Variants in BTG2 observed in about 807,000 individuals in gnomAD.
BTG2 encodes protein BTG2.
In BTG2, 9 loss-of-function variants were observed where a neutral mutation model predicts 13.1. That is an observed-to-expected ratio of 0.69 (90% confidence interval 0.41 to 1.20). The LOEUF is 1.20. Ranked by LOEUF, BTG2 falls within the 50% of genes most tolerant of loss-of-function variation. BTG2 has a pLI of 0.00. For missense variants in BTG2, 200 were observed against 209.5 expected (o/e 0.95, Z 0.28); for synonymous variants, 92 against 88.6 (o/e 1.04, Z -0.21).
At position 203,307,485 on chromosome 1, in the gene BTG2, A is replaced by G; in HGVS notation, c.*47A>G. ...GCGCCGCCGTGCTCATGCTGCCGTGACAACAGGCCACCACATACCTCAACC... is the reference window on the plus strand; with the variant it reads ...GCGCCGCCGTGCTCATGCTGCCGTGGCAACAGGCCACCACATACCTCAACC... On this transcript the variant is annotated 3_prime_UTR_variant, in exon 2 of 2. Coordinates refer to ENST00000290551, the MANE Select transcript of BTG2 (RefSeq NM_006763.3). 6.8e-7 allele frequency: 1 copy of G among 1,463,500 alleles called. No homozygotes were observed. Among genetic ancestry groups the G allele is most frequent in the Non-Finnish European group, 9.3e-7 (1 of 1,080,680 alleles). 90.7% of individuals were successfully genotyped at this position (1,463,500 alleles called of 1,614,324 possible). A position where few individuals can be genotyped will look rare whatever the true frequency, so the allele number is the denominator to read the frequency against.
Position 203,305,640 on chromosome 1 carries a change from G to A in BTG2, c.34G>A (p.Glu12Lys). Residue 12 changes from glutamate to lysine, a missense_variant, in exon 1 of 2, where the codon GAG becomes AAG. By Grantham distance (56) the Glu-to-Lys change is moderately conservative. Transcript: ENST00000290551. ...SHGKGTDMLP[E>K]IAAAVGFLSS... ...CGGGAAGGGAACCGACATGCTCCCG[G>A]AGATCGCCGCCGCCGTGGGCTTCCT... is the stretch of plus-strand genomic sequence containing the variant. 6.3e-7 allele frequency: 1 copy of A among 1,591,200 alleles called. No individual in the cohort carries two copies. The highest frequency in any genetic ancestry group is 8.6e-7 in the Non-Finnish European group (1 of 1,169,506).
In BTG2 at chr1:203,305,715, G is replaced by T. The variant is rs754149177; in HGVS notation, c.109G>T (p.Val37Phe). Residue 37 changes from valine to phenylalanine, a missense_variant, in exon 1 of 2, where the codon GTC becomes TTC. Coordinates refer to ENST00000290551, the MANE Select transcript of BTG2 (RefSeq NM_006763.3). Reference protein sequence around the residue: ...RGCVSEQRLKVFSGALQEALT... With the variant: ...RGCVSEQRLKFFSGALQEALT... Reference sequence around the variant, plus strand: ...CTGCGTGAGCGAGCAGAGGCTTAAGGTCTTCAGCGGGGCGCTCCAGGAGGC... The same window carrying T: ...CTGCGTGAGCGAGCAGAGGCTTAAGTTCTTCAGCGGGGCGCTCCAGGAGGC... 24 of 1,552,122 alleles carry T rather than the reference G, an allele frequency of 1.5e-5. No homozygotes were observed. The highest frequency in any genetic ancestry group is 2.0e-5 in the Non-Finnish European group (23 of 1,147,568).
At position 203,308,015 on chromosome 1, in the gene BTG2, C is replaced by G. The variant is rs1258373861; in HGVS notation, c.*577C>G. 3 of 152,662 alleles carry G rather than the reference C, an allele frequency of 2.0e-5. No individual in the cohort carries two copies. The highest frequency in any genetic ancestry group is 4.4e-5 in the Non-Finnish European group (3 of 68,070). The allele number at this position is 152,662 out of a possible 1,614,324, so 9.5% of individuals were successfully genotyped here. The stretch of plus-strand genomic sequence containing the variant: ...AAGGCCTCTCCTGATTCCTACTGTC[C>G]TAAGCTGCTTTTCTTGAAATCATGA... On this transcript the variant is annotated 3_prime_UTR_variant, in exon 2 of 2. Coordinates refer to ENST00000290551, the MANE Select transcript of BTG2 (RefSeq NM_006763.3).
In BTG2 at chr1:203,307,452, C is replaced by T. The variant is rs201462115; in HGVS notation, c.*14C>T. On this transcript the variant is annotated 3_prime_UTR_variant, in exon 2 of 2. Transcript: ENST00000290551. ...GTCTCCAGCTAGGCCCTTCCGCCCC[C>T]GCCCTGGGCGCCGCCGTGCTCATGC... The T allele has an allele frequency of 3.9e-6, 6 of 1,555,920 alleles. No homozygotes were observed. Among genetic ancestry groups the T allele is most frequent in the South Asian group, 1.2e-5 (1 of 83,198 alleles).
In BTG2 at chr1:203,307,094, GT is replaced by G. The variant is rs1321815669; in HGVS notation, c.143-9del. The G allele has an allele frequency of 6.2e-7, 1 of 1,612,004 alleles. No individual in the cohort carries two copies. The highest frequency in any genetic ancestry group is 8.5e-7 in the Non-Finnish European group (1 of 1,178,516). On this transcript the variant is annotated splice_polypyrimidine_tract_variant and intron_variant, in intron 1 of 1. Coordinates refer to ENST00000290551, the MANE Select transcript of BTG2 (RefSeq NM_006763.3). ...AACCAGGGCATCTGCCCCTGGTCCT[GT>G]CTCCACAGAGCACTACAAACACCAC... is the stretch of plus-strand genomic sequence containing the variant.
intron 1 of BTG2, 42 bp downstream of exon 1, chr1:203,305,790 C>CCCATCCCTGCCAGGGCCGT: frequency 6.5e-7 from 1 of 1,527,756 alleles, no homozygotes; most frequent in African/African-American, 1.4e-5. Context: ...GGGGGTCGGC[C>CCCATCCCTGCCAGGGCCGT]CCATCCCTGC....
Position 203,307,553 on chromosome 1 carries a change from AT to A in BTG2, c.*124del, listed in dbSNP as rs762792320. The A allele has an allele frequency of 1.3e-3, 987 of 782,508 alleles. No homozygotes were observed. Among genetic ancestry groups the A allele is most frequent in the African/African-American group, 7.3e-3 (401 of 55,038 alleles). The allele number at this position is 782,508 out of a possible 1,614,324, so 48.5% of individuals were successfully genotyped here. On this transcript the variant is annotated 3_prime_UTR_variant, in exon 2 of 2. Coordinates refer to ENST00000290551, the MANE Select transcript of BTG2 (RefSeq NM_006763.3). ...AAATGAAGAGCTATTTATATATATT[AT>A]TTTTTTTTAAGAAAGGAGGAAAAGA...
Position 203,305,703 on chromosome 1 carries a change from C to A in BTG2, c.97C>A (p.Gln33Lys). The change falls in exon 1 of 2, where the codon CAG becomes AAG. Residue 33 changes from glutamine (Q) to lysine (K), a missense_variant. By Grantham distance (53) the Gln-to-Lys change is moderately conservative (BLOSUM62 1). Transcript: ENST00000290551. Reference protein sequence around the residue: ...LLRTRGCVSEQRLKVFSGALQ... With the variant: ...LLRTRGCVSEKRLKVFSGALQ... ...GAGGACCCGGGGCTGCGTGAGCGAG[C>A]AGAGGCTTAAGGTCTTCAGCGGGGC... The A allele has an allele frequency of 6.4e-7, 1 of 1,555,250 alleles. No individual in the cohort carries two copies. The highest frequency in any genetic ancestry group is 2.4e-5 in the East Asian group (1 of 41,154).
intron 1 of BTG2, 88 bp downstream of exon 1, chr1:203,305,836 A>C (rs1658246354): frequency 1.4e-6 from 2 of 1,477,360 alleles, no homozygotes; most frequent in Non-Finnish European, 8.9e-7. Context: ...CGGCAGGGTG[A>C]CCCACGGGAG....
At position 203,307,497 on chromosome 1, in the gene BTG2, C is replaced by A; in HGVS notation, c.*59C>A. 2.2e-6 allele frequency: 3 copies of A among 1,351,544 alleles called. No homozygotes were observed. 83.7% of individuals were successfully genotyped at this position (1,351,544 alleles called of 1,614,324 possible). On this transcript the variant is annotated 3_prime_UTR_variant, in exon 2 of 2. Coordinates refer to ENST00000290551, the MANE Select transcript of BTG2 (RefSeq NM_006763.3). ...TCATGCTGCCGTGACAACAGGCCAC[C>A]ACATACCTCAACCTGGGGAACTGTA...
In BTG2 at chr1:203,307,553, ATT is replaced by A; in HGVS notation, c.*123_*124del. On this transcript the variant is annotated 3_prime_UTR_variant, in exon 2 of 2. Coordinates refer to ENST00000290551, the MANE Select transcript of BTG2 (RefSeq NM_006763.3). Reference sequence around the variant, plus strand: ...AAATGAAGAGCTATTTATATATATTATTTTTTTTTAAGAAAGGAGGAAAAGAA... The same window carrying A: ...AAATGAAGAGCTATTTATATATATTATTTTTTTAAGAAAGGAGGAAAAGAA... 1.3e-6 allele frequency: 1 copy of A among 784,828 alleles called. No homozygotes were observed. The highest frequency in any genetic ancestry group is 1.8e-5 in the African/African-American group (1 of 55,066). 48.6% of individuals were successfully genotyped at this position (784,828 alleles called of 1,614,324 possible).
Position 203,305,707 on chromosome 1 carries a change from G to A in BTG2, c.101G>A (p.Arg34Lys), listed in dbSNP as rs2102283669. The A allele has an allele frequency of 1.3e-6, 2 of 1,554,180 alleles. No individual in the cohort carries two copies. Among genetic ancestry groups the A allele is most frequent in the Non-Finnish European group, 8.7e-7 (1 of 1,148,578 alleles). The change falls in exon 1 of 2, where the codon AGG becomes AAG. Residue 34 changes from arginine to lysine, a missense_variant. Transcript: ENST00000290551. ...ACCCGGGGCTGCGTGAGCGAGCAGA[G>A]GCTTAAGGTCTTCAGCGGGGCGCTC... The part of the protein sequence containing the change: ...LRTRGCVSEQ[R>K]LKVFSGALQE...
chr1:203,306,288 C>G (rs544069044), intron 1 of BTG2, among the ~76,000 whole-genome samples: 3 of 152,126 alleles, frequency 2.0e-5, no homozygotes, highest in Non-Finnish European at 2.9e-5. Context: ...TCTTTGGTTC[C>G]CCTTAGCCAT....
In BTG2 at chr1:203,305,758, T is replaced by C. The variant is rs1421882244; in HGVS notation, c.142+10T>C. 6 of 1,542,842 alleles carry C rather than the reference T, an allele frequency of 3.9e-6. No individual in the cohort carries two copies. Among genetic ancestry groups the C allele is most frequent in the Non-Finnish European group, 2.6e-6 (3 of 1,144,246 alleles). ...CAGGAGGCACTCACAGGTGAGCGCA[T>C]GCCGAGGGGCCTGGCGCCACCGGGG... On this transcript the variant is annotated intron_variant, in intron 1 of 1. Coordinates refer to ENST00000290551, the MANE Select transcript of BTG2 (RefSeq NM_006763.3).
chr1:203,306,868 ACACACACT>A lies in BTG2; in HGVS notation c.143-234_143-227del, dbSNP rs779123244. On this transcript the variant is annotated intron_variant, in intron 1 of 1. Transcript: ENST00000290551. ...CTCAGTCACACACACACACACACAC[ACACACACT>A]CTCTCACATACACTTGTCCTGGAAG... Among the ~76,000 whole-genome samples the A allele has an allele frequency of 2.2e-4, 29 of 133,860 alleles. No homozygotes were observed. The East Asian group carries it at 5.5e-3, about 25-fold the overall frequency. The allele number at this position is 133,860 out of a possible 152,430, so 87.8% of individuals were successfully genotyped here. A position where few individuals can be genotyped will look rare whatever the true frequency, so the allele number is the denominator to read the frequency against.
chr1:203,307,740 G>A lies in BTG2; in HGVS notation c.*302G>A. 5.0e-6 allele frequency: 1 copy of A among 200,272 alleles called. No individual in the cohort carries two copies. Among genetic ancestry groups the A allele is most frequent in the Non-Finnish European group, 1.0e-5 (1 of 100,388 alleles). 12.4% of individuals were successfully genotyped at this position (200,272 alleles called of 1,614,324 possible). On this transcript the variant is annotated 3_prime_UTR_variant, in exon 2 of 2. Transcript: ENST00000290551. ...AGGGGGTAGACCTAGCCAAGGAGAA[G>A]TGGGAGACGTTTGGCTAGCACCCCA...
rs1215539422 is a variant in BTG2 at position 203,307,349 on chromosome 1, G to A, written c.388G>A (p.Ala130Thr). The stretch of plus-strand genomic sequence containing the variant: ...CTTGTACGAGGAGGCCCCACTGGCC[G>A]CCTCCTGTGGGCTCCTCACCTGCAA... The part of the protein sequence containing the change: ...CVLYEEAPLA[A>T]SCGLLTCKNQ... The change falls in exon 2 of 2, where the codon GCC becomes ACC. Residue 130 changes from alanine to threonine, a missense_variant. By Grantham distance (58) the Ala-to-Thr change is moderately conservative. Transcript: ENST00000290551. 5 of 1,613,720 alleles carry A rather than the reference G, an allele frequency of 3.1e-6. No individual in the cohort carries two copies. Among genetic ancestry groups the A allele is most frequent in the Middle Eastern group, 1.7e-4 (1 of 6,060 alleles).
chr1:203,305,874 C>T, intron 1 of BTG2, 126 bp downstream of exon 1: 1 of 1,335,468 alleles, frequency 7.5e-7, no homozygotes, highest in South Asian at 1.5e-5. Context: ...GGCCCTCCTC[C>T]GACCCCCGGG....
chr1:203,305,549 T>C lies in BTG2; in HGVS notation c.-58T>C. The C allele has an allele frequency of 6.4e-7, 1 of 1,553,262 alleles. No homozygotes were observed. The highest frequency in any genetic ancestry group is 1.7e-4 in the Middle Eastern group (1 of 5,880). ...CCGAGCAGCGGCCAGGGTAACGCTG[T>C]CTTGTGGACCCGCACTTCCCACCCG... On this transcript the variant is annotated 5_prime_UTR_variant, in exon 1 of 2. Transcript: ENST00000290551.
Sources: gnomAD v4.1 joint callset for allele counts (sites outside exome capture counted in the v4.1 genomes callset) on GRCh38, gnomAD v4.1.1 for gene constraint, MANE v1.5 for transcripts, NCBI Gene and HGNC (gene_info 2026-07-23, HGNC 2026-07-21) for gene names.